Variants in IKZF3 observed in about 807,000 individuals in gnomAD.
The protein encoded by IKZF3 is zinc finger protein Aiolos.
IKZF3 carries 10 observed loss-of-function variants against 49.0 expected under a neutral mutation model. The observed-to-expected ratio is 0.20, with a 90% confidence interval of 0.13 to 0.35. The LOEUF (loss-of-function observed/expected upper bound fraction) is 0.35, where lower values mean the gene tolerates loss of function less well. Among genes scored for constraint, IKZF3 ranks in the 10% least tolerant of loss-of-function variants. The probability of loss-of-function intolerance (pLI) is 1.00; values close to 1 mark genes in which losing one functional copy is unlikely to be tolerated. For missense variants in IKZF3, 498 were observed against 664.8 expected (o/e 0.75, Z 2.76); for synonymous variants, 209 against 228.2 (o/e 0.92, Z 0.76).
At chr17:39,778,138 C>A in intron 6 of IKZF3, 1 of 996,724 alleles carries the variant, frequency 1.0e-6, no homozygotes, top group Non-Finnish European at 1.2e-6. Flanking sequence ...GTGACACCTG[C>A]AGACTGATAT....
rs1171957173 is a variant in IKZF3, at chr17:39,827,931, G to A, written c.163+1456C>T. On this transcript the variant is annotated intron_variant, in intron 3 of 7. Coordinates refer to ENST00000346872, the MANE Select transcript of IKZF3 (RefSeq NM_012481.5). ...TGAGCTAAGGGAGTGTTCCCACTAG[G>A]TAGATTCCTCTGTTTTTCTGGTGGA... 3.3e-5 allele frequency among the ~76,000 whole-genome samples: 5 copies of A among 152,334 alleles called. No individual in the cohort carries two copies. In the East Asian group the frequency reaches 9.6e-4, roughly 29 times the overall value.
At chr17:39,786,287 T>C (rs1362328258) in intron 6 of IKZF3, among the ~76,000 whole-genome samples, 3 of 152,238 alleles carry the variant, frequency 2.0e-5, no homozygotes, top group Admixed American at 1.3e-4. Context: ...GAATTTTAAG[T>C]AGGTCACTGA....
At chr17:39,862,683 G>A (rs766437728) in intron 1 of IKZF3, among the ~76,000 whole-genome samples, 21 of 152,010 alleles carry the variant, frequency 1.4e-4, no homozygotes, top group Non-Finnish European at 2.6e-4. Flanking sequence ...ATCTAATCAT[G>A]TAAACACAAC....
intron 3 of IKZF3, among the ~76,000 whole-genome samples, chr17:39,811,257 G>GAAAGAAAGAAA (rs2061547194): frequency 7.4e-5 from 1 of 13,490 alleles, no homozygotes; most frequent in Non-Finnish European, 2.1e-4. Context: ...AGAAAGAGAG[G>GAAAGAAAGAAA]GAGAGAAAGA....
In IKZF3 at chr17:39,844,842, G is replaced by A. The variant is rs28407584; in HGVS notation, c.8-12691C>T. ...TCTCCATGTTGGTCAGGCTGGTCTCGAACTCCTGACCTCAGGTAATCCGCC... is the reference window on the plus strand; with the variant it reads ...TCTCCATGTTGGTCAGGCTGGTCTCAAACTCCTGACCTCAGGTAATCCGCC... On this transcript the variant is annotated intron_variant, in intron 1 of 7. Transcript: ENST00000346872. Among the ~76,000 whole-genome samples, 659 of 152,070 alleles carry A rather than the reference G, an allele frequency of 4.3e-3. 3 individuals are homozygous for A. The highest frequency in any genetic ancestry group is 0.015 in the African/African-American group (616 of 41,488).
intron 1 of IKZF3, among the ~76,000 whole-genome samples, chr17:39,854,851 G>A (rs139113884): frequency 2.6e-4 from 39 of 152,274 alleles, no homozygotes; most frequent in Middle Eastern, 3.4e-3. Context: ...TCACATTACA[G>A]GACAGAAGAT....
intron 1 of IKZF3, among the ~76,000 whole-genome samples, chr17:39,846,487 G>GTTT (rs34071450): frequency 9.3e-5 from 10 of 108,018 alleles, no homozygotes; most frequent in East Asian, 2.7e-4. Flanking sequence ...AGATACCAAG[G>GTTT]TTTTTTTTTT....
At chr17:39,792,962 C>T (rs1430850225) in intron 3 of IKZF3, 29 bp from the exon 4 acceptor site, 2 of 1,606,332 alleles carry the variant, frequency 1.2e-6, no homozygotes, top group East Asian at 2.2e-5. Context: ...AAGAAATGAA[C>T]AACGACTATA....
intron 7 of IKZF3, among the ~76,000 whole-genome samples, chr17:39,776,480 A>AAAG (rs2060592822): frequency 6.6e-6 from 1 of 152,212 alleles, no homozygotes; most frequent in Non-Finnish European, 1.5e-5. Flanking sequence ...GGAGGACAGC[A>AAAG]AGGAGGAGGG....
chr17:39,798,770 G>A (rs2061240787), intron 3 of IKZF3, among the ~76,000 whole-genome samples: 1 of 152,110 alleles, frequency 6.6e-6, no homozygotes, highest in African/African-American at 2.4e-5. Context: ...CTCCCAAAGT[G>A]CTGGGATTAC....
At chr17:39,847,057 A>ATTTCAGGTCCTAGTTCAGCTTTCTGGG in intron 1 of IKZF3, among the ~76,000 whole-genome samples, 1 of 152,134 alleles carries the variant, frequency 6.6e-6, no homozygotes, top group Non-Finnish European at 1.5e-5. Flanking sequence ...TATCTTATCT[A>ATTTCAGGTCCTAGTTCAGCTTTCTGGG]AAATGTTCAC....
chr17:39,765,593 A>G lies in IKZF3; in HGVS notation c.*197T>C, dbSNP rs1033091403. The G allele has an allele frequency of 2.0e-6, 1 of 502,626 alleles. No individual in the cohort carries two copies. Among genetic ancestry groups the G allele is most frequent in the Non-Finnish European group, 3.5e-6 (1 of 286,258 alleles). 31.1% of individuals were successfully genotyped at this position (502,626 alleles called of 1,614,324 possible). A position where few individuals can be genotyped will look rare whatever the true frequency, so the allele number is the denominator to read the frequency against. On this transcript the variant is annotated 3_prime_UTR_variant, in exon 8 of 8. Coordinates refer to ENST00000346872, the MANE Select transcript of IKZF3 (RefSeq NM_012481.5). Reference sequence around the variant, plus strand: ...CTGATGGGAAAACAAAGGTTTCACAAAAGTAATAATATGCTAGACCTGCGA... The same window carrying G: ...CTGATGGGAAAACAAAGGTTTCACAGAAGTAATAATATGCTAGACCTGCGA...
At chr17:39,798,328 C>A (rs986212189) in intron 3 of IKZF3, among the ~76,000 whole-genome samples, 1 of 152,134 alleles carries the variant, frequency 6.6e-6, no homozygotes, top group East Asian at 1.9e-4. Flanking sequence ...AAAATAAAGT[C>A]CAAACTCAGA....
At chr17:39,798,196 T>C (rs1279882581) in intron 3 of IKZF3, among the ~76,000 whole-genome samples, 1 of 152,232 alleles carries the variant, frequency 6.6e-6, no homozygotes, top group African/African-American at 2.4e-5. Flanking sequence ...CTGTTCTCTT[T>C]GGCTCCCTTC....
Position 39,765,691 on chromosome 17 carries a change from T to C in IKZF3, c.*99A>G, listed in dbSNP as rs1255847369. The C allele has an allele frequency of 1.6e-5, 14 of 889,562 alleles. No homozygotes were observed. The highest frequency in any genetic ancestry group is 2.1e-5 in the Non-Finnish European group (12 of 574,382). 55.1% of individuals were successfully genotyped at this position (889,562 alleles called of 1,614,324 possible). On this transcript the variant is annotated 3_prime_UTR_variant, in exon 8 of 8. Transcript: ENST00000346872. ...CAGCTAAAAATGGTATGAAAAGAAGTTTGGAACTGAGTATGTTTTGAGAGC... is the reference window on the plus strand; with the variant it reads ...CAGCTAAAAATGGTATGAAAAGAAGCTTGGAACTGAGTATGTTTTGAGAGC...
Position 39,761,148 on chromosome 17 carries a change from C to A in IKZF3, c.*4642G>T, listed in dbSNP as rs1196796785. 1.3e-5 allele frequency: 2 copies of A among 152,116 alleles called. No individual in the cohort carries two copies. Among genetic ancestry groups the A allele is most frequent in the East Asian group, 3.9e-4 (2 of 5,188 alleles). The allele number at this position is 152,116 out of a possible 1,614,324, so 9.4% of individuals were successfully genotyped here. A position where few individuals can be genotyped will look rare whatever the true frequency, so the allele number is the denominator to read the frequency against. On this transcript the variant is annotated 3_prime_UTR_variant, in exon 8 of 8. Coordinates refer to ENST00000346872, the MANE Select transcript of IKZF3 (RefSeq NM_012481.5). ...TATGGGCCTAACAAAATGTTAAGCA[C>A]TGCATTTAAAAGGTGAGAAATTTTG...
At chr17:39,855,874 T>C (rs1222141870) in intron 1 of IKZF3, among the ~76,000 whole-genome samples, 2 of 152,090 alleles carry the variant, frequency 1.3e-5, no homozygotes, top group African/African-American at 4.8e-5. Flanking sequence ...AACATAAAAA[T>C]CAAACAAGAA....
chr17:39,858,961 CA>C (rs1267074629), intron 1 of IKZF3, among the ~76,000 whole-genome samples: 2 of 151,558 alleles, frequency 1.3e-5, no homozygotes, highest in Admixed American at 1.3e-4. Context: ...CACACCAGGC[CA>C]ATTTACTTTT....
chr17:39,760,114 C>A lies in IKZF3; in HGVS notation c.*5676G>T, dbSNP rs2060145863. ...AACATTTCCATTGTGGTCTTATCAC[C>A]TGGGATTATATGTAACAGTACTATT... On this transcript the variant is annotated 3_prime_UTR_variant, in exon 8 of 8. Coordinates refer to ENST00000346872, the MANE Select transcript of IKZF3 (RefSeq NM_012481.5). The A allele has an allele frequency of 1.3e-5, 2 of 150,272 alleles. No individual in the cohort carries two copies. Among genetic ancestry groups the A allele is most frequent in the Admixed American group, 6.6e-5 (1 of 15,050 alleles). 9.3% of individuals were successfully genotyped at this position (150,272 alleles called of 1,614,324 possible).
Sources: allele counts gnomAD v4.1 joint callset (sites outside exome capture counted in the v4.1 genomes callset), GRCh38; gene constraint gnomAD v4.1.1; transcripts MANE v1.5; gene names NCBI Gene and HGNC (gene_info 2026-07-23, HGNC 2026-07-21).